The following LIG1 variants were observed in gnomAD, a reference collection of about 807,000 sequenced individuals.
LIG1 encodes the protein ligase I, DNA, ATP-dependent.
A neutral mutation model predicts 115.7 loss-of-function variants in LIG1; 70 were observed. That is an observed-to-expected ratio of 0.60 (90% confidence interval 0.50 to 0.74). The LOEUF (loss-of-function observed/expected upper bound fraction) is 0.74, where lower values mean the gene tolerates loss of function less well. Ranked by LOEUF, LIG1 falls within the 30% of genes least tolerant of loss-of-function variation. The pLI, the probability that LIG1 is intolerant of heterozygous loss-of-function variation, is 0.00. For synonymous variants in LIG1, 487 were observed against 495.3 expected (o/e 0.98, Z 0.22); for missense variants, 1,115 against 1,225.6 (o/e 0.91, Z 1.35).
intron 21 of LIG1, 165 bp from the exon 22 acceptor site, chr19:48,123,483 T>C: frequency 1.3e-6 from 1 of 785,156 alleles, no homozygotes; most frequent in Non-Finnish European, 2.1e-6. Flanking sequence ...TTCTGAGAGC[T>C]TAAAGCATGG....
rs181015596 is a variant in LIG1 at position 48,161,351 on chromosome 19, G to A, written c.243+21C>T. On this transcript the variant is annotated intron_variant, in intron 4 of 27. Transcript: ENST00000263274. ...GAATTAGTTTCTTCTGGTAAAAATG[G>A]GCAGGGTGATGGGGACCTACCTGGC... 91 of 1,614,104 alleles carry A rather than the reference G, an allele frequency of 5.6e-5. No homozygotes were observed. The Admixed American group carries it at 1.4e-3, about 26-fold the overall frequency.
chr19:48,159,570 T>C (rs1005506979), intron 4 of LIG1, among the ~76,000 whole-genome samples: 5 of 152,148 alleles, frequency 3.3e-5, no homozygotes, highest in Non-Finnish European at 5.9e-5. Flanking sequence ...CTTCCGATAG[T>C]GGGATTACCC....
intron 6 of LIG1, among the ~76,000 whole-genome samples, chr19:48,152,295 A>G (rs2915637): frequency 0.64 from 97,112 of 151,846 alleles, 32,546 homozygotes; most frequent in East Asian, 0.87. Context: ...GCTAATTTTT[A>G]TAATTTTGGT....
Position 48,137,606 on chromosome 19 carries a change from C to T in LIG1, c.1170G>A (p.Gln390=). The T allele has an allele frequency of 6.2e-7, 1 of 1,612,964 alleles. No homozygotes were observed. The highest frequency in any genetic ancestry group is 8.5e-7 in the Non-Finnish European group (1 of 1,179,960). Residue 390 remains glutamine (Q), a synonymous_variant, in exon 13 of 28, where the codon CAG becomes CAA. Transcript: ENST00000263274. The surrounding 1 kb of genome is among the most constrained non-coding windows in gnomAD (Gnocchi z 4.3). The part of the protein sequence containing the change: ...GLVAENSRST[Q]RLMLPPPPLT... ...GCGGAGGTGGTGGCAGCATGAGCCT[C>T]TGGGTGCTGCGGCTGTTCTCGGCCA...
chr19:48,140,209 G>A (rs2034653743), intron 11 of LIG1, 66 bp from the exon 12 acceptor site: 2 of 1,171,960 alleles, frequency 1.7e-6, no homozygotes, highest in South Asian at 1.3e-5. Flanking sequence ...TCGGGGTGGG[G>A]TGGGTTTAAG....
chr19:48,133,531 C>G (rs2034178151), intron 17 of LIG1: 2 of 306,886 alleles, frequency 6.5e-6, no homozygotes, highest in South Asian at 6.6e-5. Context: ...CCCTGGCCAC[C>G]TCCCTTGCTC....
intron 23 of LIG1, 67 bp from the exon 24 acceptor site, chr19:48,121,389 G>A (rs1329639096): frequency 1.1e-5 from 16 of 1,453,476 alleles, no homozygotes; most frequent in Non-Finnish European, 1.4e-5. Flanking sequence ...CTGCTGGGGA[G>A]GGGCTCCTCA....
In LIG1 at chr19:48,161,382, G is replaced by C; in HGVS notation, c.233C>G (p.Ala78Gly). 2 of 1,614,140 alleles carry C rather than the reference G, an allele frequency of 1.2e-6. No homozygotes were observed. The change falls in exon 4 of 28, where the codon GCT (alanine) becomes GGT (glycine). Residue 78 changes from alanine (A) to glycine (G), a missense_variant. Physicochemically the swap from Ala to Gly is moderately conservative, Grantham distance 60. Coordinates refer to ENST00000263274, the MANE Select transcript of LIG1 (RefSeq NM_000234.3). ...GTGATGGGGACCTACCTGGCCTTTA[G>C]CAGGGCTAAGGGCTTCATCCTCCTC... The part of the protein sequence containing the change: ...GEEEDEALSP[A>G]KGQKPALDCS...
Position 48,151,204 on chromosome 19 carries a change from A to G in LIG1, c.574+28T>C, listed in dbSNP as rs201067354. 1.3e-5 allele frequency: 18 copies of G among 1,401,148 alleles called. No homozygotes were observed. The East Asian group carries it at 3.4e-4, about 27-fold the overall frequency. 86.8% of individuals were successfully genotyped at this position (1,401,148 alleles called of 1,614,324 possible). A position where few individuals can be genotyped will look rare whatever the true frequency, so the allele number is the denominator to read the frequency against. ...TGACCCCAAAATCAGGAGGTGGGGC[A>G]GGGCGGAGGAGAGGACCAGAAACTC... On this transcript the variant is annotated intron_variant, in intron 7 of 27. Transcript: ENST00000263274.
intron 5 of LIG1, chr19:48,154,439 A>G (rs2035708836): frequency 4.8e-6 from 1 of 210,228 alleles, no homozygotes; most frequent in African/African-American, 2.3e-5. Flanking sequence ...GCTGCCTCGC[A>G]TCTCGGGGGT....
Position 48,162,354 on chromosome 19 carries a change from A to G in LIG1, c.18-3T>C. 6.2e-7 allele frequency: 1 copy of G among 1,611,646 alleles called. No individual in the cohort carries two copies. On this transcript the variant is annotated splice_region_variant and splice_polypyrimidine_tract_variant and intron_variant, in intron 2 of 27. Coordinates refer to ENST00000263274, the MANE Select transcript of LIG1 (RefSeq NM_000234.3). ...CTTTCTTGGGGTGGAAAAATGACCT[A>G]GAGGAGCATAAAAGGGGGTAAAAAA...
intron 2 of LIG1, 32 bp from the exon 3 acceptor site, chr19:48,162,383 A>C (rs757909915): frequency 1.3e-6 from 2 of 1,483,364 alleles, no homozygotes; most frequent in African/African-American, 2.8e-5. Flanking sequence ...TAAAAAAAGG[A>C]GAATAACAGC....
chr19:48,137,899 C>A lies in LIG1; in HGVS notation c.1088-211G>T, dbSNP rs970114045. On this transcript the variant is annotated intron_variant, in intron 12 of 27. Coordinates refer to ENST00000263274, the MANE Select transcript of LIG1 (RefSeq NM_000234.3). This position sits in a 1 kb window ranked among gnomAD's most constrained non-coding sequence, Gnocchi z 4.3. ...GCTGTAGGAAGTCAGCAAACATGCA[C>A]GTGGAGCCAGGAAAGCGGTGGATGA... The A allele has an allele frequency of 1.6e-5, 10 of 630,886 alleles. No individual in the cohort carries two copies. The highest frequency in any genetic ancestry group is 2.3e-5 in the Non-Finnish European group (8 of 353,054). 39.1% of individuals were successfully genotyped at this position (630,886 alleles called of 1,614,324 possible). A position where few individuals can be genotyped will look rare whatever the true frequency, so the allele number is the denominator to read the frequency against.
chr19:48,136,625 C>T (rs1459963593), intron 14 of LIG1, among the ~76,000 whole-genome samples: 2 of 152,152 alleles, frequency 1.3e-5, no homozygotes, highest in Non-Finnish European at 2.9e-5. Context: ...AGGTAAGGCA[C>T]GGGGCACAGG....
rs369943167 is a variant in LIG1, at chr19:48,137,497, G to A, written c.1254+25C>T. On this transcript the variant is annotated intron_variant, in intron 13 of 27. Coordinates refer to ENST00000263274, the MANE Select transcript of LIG1 (RefSeq NM_000234.3). This position sits in a 1 kb window ranked among gnomAD's most constrained non-coding sequence, Gnocchi z 4.3. ...CAGGTCCCCAAGATGTCTGGGGTCCGGGATGAGCGGCCCGCCCCACTCACA... is the reference window on the plus strand; with the variant it reads ...CAGGTCCCCAAGATGTCTGGGGTCCAGGATGAGCGGCCCGCCCCACTCACA... The A allele has an allele frequency of 2.2e-5, 35 of 1,608,978 alleles. No homozygotes were observed. The highest frequency in any genetic ancestry group is 1.6e-4 in the African/African-American group (12 of 74,920).
At chr19:48,127,557 T>C (rs1217263051) in intron 20 of LIG1, 15 of 619,422 alleles carry the variant, frequency 2.4e-5, no homozygotes, top group South Asian at 9.2e-5. Context: ...CACCAGATAT[T>C]TGCTCTCCTA....
At chr19:48,155,963 C>G (rs2035805667) in intron 5 of LIG1, among the ~76,000 whole-genome samples, 1 of 152,244 alleles carries the variant, frequency 6.6e-6, no homozygotes, top group South Asian at 2.1e-4. Flanking sequence ...GTCACACTCA[C>G]CACGCTAAAG....
chr19:48,138,436 C>T (rs112336973), intron 12 of LIG1, among the ~76,000 whole-genome samples: 172 of 152,260 alleles, frequency 1.1e-3, no homozygotes, highest in Non-Finnish European at 1.8e-3. Flanking sequence ...TTTCAGTCCA[C>T]AGATGCTCAG....
intron 6 of LIG1, among the ~76,000 whole-genome samples, chr19:48,153,507 T>C (rs1370560650): frequency 6.6e-6 from 1 of 152,020 alleles, no homozygotes; most frequent in Non-Finnish European, 1.5e-5. Flanking sequence ...CAAACAAATA[T>C]ATCCCACAAT....
Sources: gnomAD v4.1 joint callset for allele counts (sites outside exome capture counted in the v4.1 genomes callset) on GRCh38, gnomAD v4.1.1 for gene constraint, Gnocchi (gnomAD v3.1) non-coding constraint, MANE v1.5 for transcripts, NCBI Gene and HGNC (gene_info 2026-07-23, HGNC 2026-07-21) for gene names.